The following LAPTM4B variants were observed in gnomAD, a reference collection of about 807,000 sequenced individuals.
LAPTM4B encodes lysosomal protein transmembrane 4 beta.
A neutral mutation model predicts 28.5 loss-of-function variants in LAPTM4B; 26 were observed. The ratio of observed to expected loss-of-function variants is 0.91; its 90% confidence interval spans 0.67 to 1.27. LAPTM4B has a LOEUF of 1.27. Ranked by LOEUF, LAPTM4B falls within the 50% of genes most tolerant of loss-of-function variation. LAPTM4B has a pLI of 0.00. For synonymous variants in LAPTM4B, 109 were observed against 106.4 expected (o/e 1.02, Z -0.15); for missense variants, 288 against 285.8 (o/e 1.01, Z -0.06).
In LAPTM4B at chr8:97,824,418, C is replaced by T. The variant is rs188410551; in HGVS notation, c.508-640C>T. On this transcript the variant is annotated intron_variant, in intron 5 of 6. Transcript: ENST00000521545. ...ATCCTTTAGTTCTAATCCAATTACA[C>T]ATGATGGAATGAAAGTACAGAGTTC... Among the ~76,000 whole-genome samples the T allele has an allele frequency of 2.6e-5, 4 of 152,250 alleles. No homozygotes were observed. The East Asian group carries it at 7.7e-4, about 29-fold the overall frequency.
At chr8:97,812,912 A>G (rs937460418) in intron 2 of LAPTM4B, among the ~76,000 whole-genome samples, 1 of 152,238 alleles carries the variant, frequency 6.6e-6, no homozygotes, top group Non-Finnish European at 1.5e-5. Flanking sequence ...GCCAGCTGGT[A>G]GAGCCACTCC....
intron 1 of LAPTM4B, among the ~76,000 whole-genome samples, chr8:97,777,047 C>G (rs1816230566): frequency 6.6e-6 from 1 of 151,094 alleles, no homozygotes; most frequent in African/African-American, 2.4e-5. Flanking sequence ...GAGAGTTAGA[C>G]CAGAGTTGCT....
At chr8:97,800,406 A>G (rs541950032) in intron 1 of LAPTM4B, among the ~76,000 whole-genome samples, 3 of 148,840 alleles carry the variant, frequency 2.0e-5, no homozygotes, top group African/African-American at 7.5e-5. Context: ...TCACCGGTCT[A>G]GGTATTTTAT....
chr8:97,831,891 C>G (rs1817188970), intron 6 of LAPTM4B, among the ~76,000 whole-genome samples: 1 of 152,082 alleles, frequency 6.6e-6, no homozygotes. Flanking sequence ...GTAAGGAGGG[C>G]AGTTTTAAGG....
At position 97,851,417 on chromosome 8, in the gene LAPTM4B, T is replaced by C. The variant is rs1270831372; in HGVS notation, c.624T>C (p.Asp208=). 1.9e-6 allele frequency: 3 copies of C among 1,614,056 alleles called. No individual in the cohort carries two copies. Among genetic ancestry groups the C allele is most frequent in the Non-Finnish European group, 2.5e-6 (3 of 1,180,000 alleles). Residue 208 remains aspartate (D), a synonymous_variant, in exon 7 of 7, where the codon GAT becomes GAC. Transcript: ENST00000521545. ...NDTTVLLPPY[D]DATVNGAAKE... The stretch of plus-strand genomic sequence containing the variant: ...CTCAGGTGCTGCTACCCCCGTATGA[T>C]GATGCCACTGTGAATGGTGCTGCCA...
chr8:97,841,182 G>GTT (rs1237791808), intron 6 of LAPTM4B, among the ~76,000 whole-genome samples: 3 of 20,662 alleles, frequency 1.5e-4, no homozygotes, highest in South Asian at 9.8e-4. Flanking sequence ...CTTCCCAGAC[G>GTT]GGGCGGCACA....
At chr8:97,830,677 G>A (rs2512053) in intron 6 of LAPTM4B, among the ~76,000 whole-genome samples, 71,433 of 151,894 alleles carry the variant, frequency 0.47, 17,070 homozygotes, top group East Asian at 0.58. Context: ...ATCCTGGAGC[G>A]ATGAACCCAG....
At chr8:97,850,789 C>T (rs1393119111) in intron 6 of LAPTM4B, among the ~76,000 whole-genome samples, 2 of 146,214 alleles carry the variant, frequency 1.4e-5, no homozygotes, top group African/African-American at 5.2e-5. Context: ...ATACTAGATG[C>T]ATAATAAATG....
At chr8:97,830,331 C>T (rs1817163394) in intron 6 of LAPTM4B, among the ~76,000 whole-genome samples, 1 of 152,064 alleles carries the variant, frequency 6.6e-6, no homozygotes, top group South Asian at 2.1e-4. Flanking sequence ...AGTGCCTTGC[C>T]ACACAAGGTC....
At position 97,775,943 on chromosome 8, in the gene LAPTM4B, G is replaced by GCTCCAGGCGAGGCGGC; in HGVS notation, c.-52_-51insCCTCCAGGCGAGGCGG. ...GGAGCCGGCAGCAGCGGCGCGGCGG[G>GCTCCAGGCGAGGCGGC]CTCCAGGCGAGGCGGTCGACGCTCC... On this transcript the variant is annotated 5_prime_UTR_variant, in exon 1 of 7. Coordinates refer to ENST00000521545, the MANE Select transcript of LAPTM4B (RefSeq NM_018407.6). 1 of 1,485,820 alleles carries GCTCCAGGCGAGGCGGC rather than the reference G, an allele frequency of 6.7e-7. No individual in the cohort carries two copies. The highest frequency in any genetic ancestry group is 8.9e-7 in the Non-Finnish European group (1 of 1,127,092). The allele number at this position is 1,485,820 out of a possible 1,614,324, so 92.0% of individuals were successfully genotyped here. A position where few individuals can be genotyped will look rare whatever the true frequency, so the allele number is the denominator to read the frequency against.
At chr8:97,810,030 A>G (rs902940646) in intron 2 of LAPTM4B, among the ~76,000 whole-genome samples, 1 of 152,140 alleles carries the variant, frequency 6.6e-6, no homozygotes, top group African/African-American at 2.4e-5. Flanking sequence ...CTTGGGCTCA[A>G]GCGATTCTCC....
chr8:97,826,634 G>A (rs376198507), intron 6 of LAPTM4B, among the ~76,000 whole-genome samples: 39 of 152,100 alleles, frequency 2.6e-4, no homozygotes, highest in African/African-American at 8.2e-4. Context: ...TCAGCCTGCC[G>A]AGTAGCTGGG....
chr8:97,837,075 A>G (rs2512073), intron 6 of LAPTM4B, among the ~76,000 whole-genome samples: 120,774 of 152,042 alleles, frequency 0.79, 49,966 homozygotes, highest in Non-Finnish European at 0.94. Flanking sequence ...TGGGTTGTCA[A>G]AAAGCCACAA....
chr8:97,823,356 G>GTTTTTTTTTTTTTTTT (rs72472850), intron 5 of LAPTM4B, among the ~76,000 whole-genome samples: 1 of 131,106 alleles, frequency 7.6e-6, no homozygotes, highest in African/African-American at 3.0e-5. Context: ...TTTTTTTTTT[G>GTTTTTTTTTTTTTTTT]TTTTTTTTTT....
rs770261823 is a variant in LAPTM4B at position 97,816,075 on chromosome 8, C to T, written c.303C>T (p.Ile101=). 1.2e-5 allele frequency: 19 copies of T among 1,612,902 alleles called. No homozygotes were observed. Among genetic ancestry groups the T allele is most frequent in the African/African-American group, 5.3e-5 (4 of 74,876 alleles). ...CTGTTTAGCAACGCGCAGCCTGGAT[C>T]ATCCCATTCTTCTGTTACCAGATCT... ...YGAYKQRAAW[I]IPFFCYQIFD... The change falls in exon 4 of 7, where the codon ATC becomes ATT. Residue 101 remains isoleucine, a synonymous_variant. Coordinates refer to ENST00000521545, the MANE Select transcript of LAPTM4B (RefSeq NM_018407.6).
chr8:97,791,563 G>A (rs1019552630), intron 1 of LAPTM4B, among the ~76,000 whole-genome samples: 9 of 152,144 alleles, frequency 5.9e-5, no homozygotes, highest in Non-Finnish European at 1.2e-4. Context: ...CGTTTTGCAC[G>A]CTAGCCCCTT....
intron 1 of LAPTM4B, among the ~76,000 whole-genome samples, chr8:97,789,549 C>T (rs1227847589): frequency 4.8e-5 from 7 of 147,016 alleles, no homozygotes; most frequent in Admixed American, 1.4e-4. Flanking sequence ...TTTTGAGAGA[C>T]GGAGATTTGG....
intron 4 of LAPTM4B, among the ~76,000 whole-genome samples, chr8:97,816,779 C>T (rs941282571): frequency 6.6e-6 from 1 of 152,048 alleles, no homozygotes; most frequent in African/African-American, 2.4e-5. Context: ...TGCTCAAAAA[C>T]AAACAAAATA....
chr8:97,840,740 C>T (rs1242121867), intron 6 of LAPTM4B, among the ~76,000 whole-genome samples: 2 of 152,234 alleles, frequency 1.3e-5, no homozygotes, highest in African/African-American at 4.8e-5. Flanking sequence ...TCACTTCACA[C>T]TTAGAAGGTT....
Sources: allele counts gnomAD v4.1 joint callset (sites outside exome capture counted in the v4.1 genomes callset), GRCh38; gene constraint gnomAD v4.1.1; transcripts MANE v1.5; gene names NCBI Gene and HGNC (gene_info 2026-07-23, HGNC 2026-07-21).